Variants in FBXO3 observed in about 807,000 individuals in gnomAD.
FBXO3 encodes F-box only protein 3.
In FBXO3, 17 loss-of-function variants were observed where a neutral mutation model predicts 64.8. That is an observed-to-expected ratio of 0.26 (90% CI 0.18 to 0.39). The LOEUF (loss-of-function observed/expected upper bound fraction) is 0.39. Among genes scored for constraint, FBXO3 ranks in the 10% least tolerant of loss-of-function variants. The probability of loss-of-function intolerance (pLI) is 1.00; values close to 1 mark genes in which losing one functional copy is unlikely to be tolerated. For missense variants in FBXO3, 420 were observed against 589.9 expected, an observed-to-expected ratio of 0.71 and a Z score of 2.98; for synonymous variants, 182 against 201.6, an observed-to-expected ratio of 0.90 and a Z score of 0.82.
chr11:33,770,742 C>G lies in FBXO3; in HGVS notation c.193G>C (p.Glu65Gln), dbSNP rs767287508. The change falls in exon 2 of 11, where the codon GAG becomes CAG. Residue 65 changes from glutamate to glutamine, a missense_variant and splice_region_variant. Around this residue, in one of 3 missense-constraint regions of FBXO3, gnomAD observed 337 missense variants for 518.4 expected, o/e 0.65. Coordinates refer to ENST00000265651, the MANE Select transcript of FBXO3 (RefSeq NM_012175.4). The stretch of plus-strand genomic sequence containing the variant: ...AGTACATATTCCTCGAATACTCACT[C>G]AGATATCAGCCAGTATTTTTTGCAA... ...RHCKKYWLIS[E>Q]EEKTQKNQCW... is the part of the protein sequence containing the mutation. 2 of 1,608,810 alleles carry G rather than the reference C, an allele frequency of 1.2e-6. No homozygotes were observed. The highest frequency in any genetic ancestry group is 1.1e-5 in the South Asian group (1 of 90,446).
At position 33,768,894 on chromosome 11, in the gene FBXO3, T is replaced by G. The variant is rs775993823; in HGVS notation, c.315A>C (p.Lys105Asn). Residue 105 changes from lysine (K) to asparagine (N), a missense_variant, in exon 3 of 11, where the codon AAA becomes AAC. By Grantham distance (94) the Lys-to-Asn change is moderately conservative. Coordinates refer to ENST00000265651, the MANE Select transcript of FBXO3 (RefSeq NM_012175.4). ...AIKKAWDDLK[K>N]YLEPRCPRMV... ...TCCGAGGACACCTGGGCTCCAAATA[T>G]TTCTTGAGATCATCCCAGGCCTTTT... 1 of 1,614,108 alleles carries G rather than the reference T, an allele frequency of 6.2e-7. No homozygotes were observed.
At chr11:33,756,341 G>C (rs926763916) in intron 4 of FBXO3, among the ~76,000 whole-genome samples, 1 of 152,190 alleles carries the variant, frequency 6.6e-6, no homozygotes, top group Non-Finnish European at 1.5e-5. Flanking sequence ...CTCTGATGCT[G>C]TTATCTTGAT....
intron 7 of FBXO3, 21 bp downstream of exon 7, chr11:33,751,500 CAA>C: frequency 6.7e-7 from 1 of 1,489,866 alleles, no homozygotes; most frequent in Non-Finnish European, 9.3e-7. Context: ...CATTTCAATC[CAA>C]AAAGACCCAA....
chr11:33,742,034 TTCCTCCTCC>T lies in FBXO3; in HGVS notation c.1281_1289del (p.Glu431_Glu433del), dbSNP rs745784212. Reference sequence around the variant, plus strand: ...AATCATCATCCTCGTCTTCCTCCTCTTCCTCCTCCTCCTCTTCTTCCATCTCTTCATATT... The same window carrying T: ...AATCATCATCCTCGTCTTCCTCCTCTTCCTCTTCTTCCATCTCTTCATATT... On this transcript the variant is annotated inframe_deletion, in exon 11 of 11. Coordinates refer to ENST00000265651, the MANE Select transcript of FBXO3 (RefSeq NM_012175.4). 5.6e-6 allele frequency: 9 copies of T among 1,605,200 alleles called. No homozygotes were observed. The highest frequency in any genetic ancestry group is 3.3e-4 in the Middle Eastern group (2 of 6,066).
At chr11:33,770,971 T>A in intron 1 of FBXO3, 141 bp from the exon 2 acceptor site, 1 of 616,980 alleles carries the variant, frequency 1.6e-6, no homozygotes. Flanking sequence ...TACAAAACTA[T>A]TTTCTAAAAC....
At chr11:33,769,376 A>T (rs1462670204) in intron 2 of FBXO3, among the ~76,000 whole-genome samples, 1 of 152,164 alleles carries the variant, frequency 6.6e-6, no homozygotes, top group African/African-American at 2.4e-5. Context: ...AATACTTAGA[A>T]TCTTGTGATA....
chr11:33,757,947 C>T (rs1215547401), intron 4 of FBXO3, among the ~76,000 whole-genome samples: 1 of 148,954 alleles, frequency 6.7e-6, no homozygotes, highest in Non-Finnish European at 1.5e-5. Flanking sequence ...CCGAGCAAGA[C>T]CCTGTCTCAA....
rs1298978132 is a variant in FBXO3 at position 33,758,587 on chromosome 11, C to G, written c.373G>C (p.Glu125Gln). The change falls in exon 4 of 11, where the codon GAA (glutamate) becomes CAA (glutamine). Residue 125 changes from glutamate to glutamine, a missense_variant. This residue lies in a region of FBXO3 where 337 missense variants were observed against 518.4 expected (regional missense o/e 0.65). Coordinates refer to ENST00000265651, the MANE Select transcript of FBXO3 (RefSeq NM_012175.4). ...VLSLKEGARE[E>Q]DLDAVEAQIG... is the part of the protein sequence containing the mutation. ...TGCGCTTCCACAGCATCGAGGTCTT[C>G]CTCTCGAGCACCCTCTATAAAGGCA... 3 of 1,606,018 alleles carry G rather than the reference C, an allele frequency of 1.9e-6. No homozygotes were observed. The highest frequency in any genetic ancestry group is 2.6e-6 in the Non-Finnish European group (3 of 1,174,220).
intron 3 of FBXO3, among the ~76,000 whole-genome samples, chr11:33,761,288 CTAAA>C (rs1311247856): frequency 2.6e-4 from 39 of 151,958 alleles, no homozygotes; most frequent in East Asian, 9.7e-4. Flanking sequence ...TATGAATAGA[CTAAA>C]TAATCTAATG....
At chr11:33,746,737 A>T in intron 10 of FBXO3, 3 of 1,428,734 alleles carry the variant, frequency 2.1e-6, no homozygotes, top group Non-Finnish European at 2.7e-6. Flanking sequence ...ACATCCACAC[A>T]TTAAATTTTC....
chr11:33,748,968 G>A, intron 8 of FBXO3, 76 bp from the exon 9 acceptor site: 1 of 820,814 alleles, frequency 1.2e-6, no homozygotes. Flanking sequence ...ACAGTATTCA[G>A]GCTAATACTA....
At chr11:33,770,702 G>C in intron 2 of FBXO3, 39 bp downstream of exon 2, 1 of 1,506,392 alleles carries the variant, frequency 6.6e-7, no homozygotes, top group South Asian at 1.1e-5. Flanking sequence ...AAGAAGCCAA[G>C]GGCCAGTTTT....
chr11:33,749,564 A>G (rs2133597137), intron 8 of FBXO3, among the ~76,000 whole-genome samples: 1 of 152,040 alleles, frequency 6.6e-6, no homozygotes, highest in African/African-American at 2.4e-5. Flanking sequence ...AGGTCTCACT[A>G]TGTTGTCCAG....
intron 10 of FBXO3, chr11:33,742,764 A>T (rs1854717264): frequency 1.3e-5 from 2 of 152,202 alleles, no homozygotes; most frequent in African/African-American, 2.4e-5. Context: ...TTCAACCATC[A>T]GTAGCCTCTA....
chr11:33,748,859 C>T lies in FBXO3; in HGVS notation c.966G>A (p.Lys322=), dbSNP rs1291774450. 1 of 1,613,550 alleles carries T rather than the reference C, an allele frequency of 6.2e-7. No individual in the cohort carries two copies. The highest frequency in any genetic ancestry group is 1.3e-5 in the African/African-American group (1 of 74,870). Reference sequence around the variant, plus strand: ...AATAGCGACTGTCCAACTGACAGGCCTTCTCAGGAAGTGCATCTTTTGACA... The same window carrying T: ...AATAGCGACTGTCCAACTGACAGGCTTTCTCAGGAAGTGCATCTTTTGACA... ...IEMSKDALPE[K]ACQLDSRYWR... Residue 322 remains lysine (K), a synonymous_variant, in exon 9 of 11, where the codon AAG becomes AAA. Transcript: ENST00000265651.
At chr11:33,749,239 A>C (rs897991736) in intron 8 of FBXO3, among the ~76,000 whole-genome samples, 4 of 152,258 alleles carry the variant, frequency 2.6e-5, no homozygotes, top group African/African-American at 9.6e-5. Flanking sequence ...TAGTGCCATG[A>C]AAAACTTCCG....
intron 3 of FBXO3, among the ~76,000 whole-genome samples, chr11:33,765,259 T>C (rs1039234324): frequency 5.3e-5 from 8 of 152,212 alleles, no homozygotes; most frequent in African/African-American, 1.9e-4. Context: ...GAACTCTCTT[T>C]GCAACTTTTC....
In FBXO3 at chr11:33,741,655, G is replaced by A. The variant is rs1304971275; in HGVS notation, c.*253C>T. 2.2e-5 allele frequency: 7 copies of A among 314,476 alleles called. No homozygotes were observed. The East Asian group carries it at 3.6e-4, about 16-fold the overall frequency. 19.5% of individuals were successfully genotyped at this position (314,476 alleles called of 1,614,324 possible). On this transcript the variant is annotated 3_prime_UTR_variant, in exon 11 of 11. Transcript: ENST00000265651. ...AAAACAAAGGTATGTCCATTCCTTAGCTAGAGAACTATTCTTCCACTGACT... is the reference window on the plus strand; with the variant it reads ...AAAACAAAGGTATGTCCATTCCTTAACTAGAGAACTATTCTTCCACTGACT...
intron 10 of FBXO3, 140 bp from the exon 11 acceptor site, chr11:33,742,224 C>T (rs1242187306): frequency 1.6e-6 from 1 of 642,426 alleles, no homozygotes; most frequent in East Asian, 3.0e-5. Context: ...AGTGGATTCT[C>T]ACAACACACA....
Sources: allele counts gnomAD v4.1 joint callset (sites outside exome capture counted in the v4.1 genomes callset), GRCh38; gene constraint gnomAD v4.1.1; regional missense constraint gnomAD v4.1.1; transcripts MANE v1.5; gene names NCBI Gene and HGNC (gene_info 2026-07-23, HGNC 2026-07-21).